The following VPS33B variants were observed in gnomAD, a reference collection of about 807,000 sequenced individuals.
VPS33B encodes VPS33B late endosome and lysosome associated.
A neutral mutation model predicts 95.3 loss-of-function variants in VPS33B; 80 were observed. The ratio of observed to expected loss-of-function variants is 0.84; its 90% CI spans 0.70 to 1.01. The LOEUF is 1.01. VPS33B is among the 50% of genes least tolerant of loss of function. The pLI, the probability that VPS33B is intolerant of heterozygous loss-of-function variation, is 0.00. For missense variants in VPS33B, 715 were observed against 773.4 expected (o/e 0.92, Z 0.90); for synonymous variants, 280 against 280.4 (o/e 1.00, Z 0.01).
chr15:91,006,725 C>G lies in VPS33B; in HGVS notation c.705G>C (p.Val235=), dbSNP rs746711287. The change falls in exon 10 of 23, where the codon GTG becomes GTC. Residue 235 remains valine (V), a synonymous_variant. Transcript: ENST00000333371. The surrounding 1 kb of genome is among the most constrained non-coding windows in gnomAD (Gnocchi z 5.4). ...IGHIFLLDRD[V]DFVTALCSQV... is the part of the protein sequence containing the mutation. ...GGGAGCAAAGTGCTGTCACAAAGTCCACATCTGAAACAGAGATCCCTGACC... is the reference window on the plus strand; with the variant it reads ...GGGAGCAAAGTGCTGTCACAAAGTCGACATCTGAAACAGAGATCCCTGACC... The G allele has an allele frequency of 6.2e-7, 1 of 1,614,164 alleles. No homozygotes were observed. Among genetic ancestry groups the G allele is most frequent in the South Asian group, 1.1e-5 (1 of 91,084 alleles).
At position 90,999,145 on chromosome 15, in the gene VPS33B, C is replaced by T. The variant is rs1019477170; in HGVS notation, c.1775-91G>A. 31 of 1,185,012 alleles carry T rather than the reference C, an allele frequency of 2.6e-5. No individual in the cohort carries two copies. The highest frequency in any genetic ancestry group is 1.3e-4 in the Admixed American group (7 of 52,428). The allele number at this position is 1,185,012 out of a possible 1,614,324, so 73.4% of individuals were successfully genotyped here. A position where few individuals can be genotyped will look rare whatever the true frequency, so the allele number is the denominator to read the frequency against. On this transcript the variant is annotated intron_variant, in intron 22 of 22. Coordinates refer to ENST00000333371, the MANE Select transcript of VPS33B (RefSeq NM_018668.5). This position sits in a 1 kb window ranked among gnomAD's most constrained non-coding sequence, Gnocchi z 5.1. ...AGCCTCTCCAGTTCCACAGTCCCCA[C>T]GGGATCACAGCACCAGTTTATAGAC...
Position 90,999,172 on chromosome 15 carries a change from G to T in VPS33B, c.1775-118C>A. On this transcript the variant is annotated intron_variant, in intron 22 of 22. Coordinates refer to ENST00000333371, the MANE Select transcript of VPS33B (RefSeq NM_018668.5). The surrounding 1 kb of genome is among the most constrained non-coding windows in gnomAD (Gnocchi z 5.1). ...GGATCACAGCACCAGTTTATAGACA[G>T]AGACGTGAGTGCCATGCTCTTGGGC... 1 of 914,844 alleles carries T rather than the reference G, an allele frequency of 1.1e-6. No individual in the cohort carries two copies. The highest frequency in any genetic ancestry group is 1.8e-6 in the Non-Finnish European group (1 of 568,076). The allele number at this position is 914,844 out of a possible 1,614,324, so 56.7% of individuals were successfully genotyped here.
Position 91,005,643 on chromosome 15 carries a change from C to T in VPS33B, c.1030+51G>A. ...GGGAGTAATGGTCCTCTGGAGCTTT[C>T]CCCAGAGGGACACAGTCACTTCCCC... On this transcript the variant is annotated intron_variant, in intron 13 of 22. Transcript: ENST00000333371. The surrounding 1 kb of genome is among the most constrained non-coding windows in gnomAD (Gnocchi z 6.4). The T allele has an allele frequency of 6.2e-7, 1 of 1,607,658 alleles. No individual in the cohort carries two copies. Among genetic ancestry groups the T allele is most frequent in the African/African-American group, 1.3e-5 (1 of 74,912 alleles).
At chr15:91,012,132 T>G (rs2151677470) in intron 5 of VPS33B, among the ~76,000 whole-genome samples, 1 of 152,296 alleles carries the variant, frequency 6.6e-6, no homozygotes, top group East Asian at 1.9e-4. Flanking sequence ...ACTCCTTTAG[T>G]AACATTCAAA....
chr15:91,006,638 A>G lies in VPS33B; in HGVS notation c.778+14T>C. The G allele has an allele frequency of 6.2e-7, 1 of 1,614,164 alleles. No individual in the cohort carries two copies. Among genetic ancestry groups the G allele is most frequent in the South Asian group, 1.1e-5 (1 of 91,076 alleles). On this transcript the variant is annotated intron_variant, in intron 10 of 22. Transcript: ENST00000333371. This position sits in a 1 kb window ranked among gnomAD's most constrained non-coding sequence, Gnocchi z 5.4. Reference sequence around the variant, plus strand: ...CGTCCATCTTGCCAAGATGCAGAGGACCATAGCACTTACCACACTTGATGC... The same window carrying G: ...CGTCCATCTTGCCAAGATGCAGAGGGCCATAGCACTTACCACACTTGATGC...
In VPS33B at chr15:91,013,728, G is replaced by A; in HGVS notation, c.357+76C>T. Reference sequence around the variant, plus strand: ...AAACGAACGGAGACAGGGAGGTAGTGCTGTTGGCCCCTTACCCCTGCCCGG... The same window carrying A: ...AAACGAACGGAGACAGGGAGGTAGTACTGTTGGCCCCTTACCCCTGCCCGG... On this transcript the variant is annotated intron_variant, in intron 5 of 22. Transcript: ENST00000333371. This position sits in a 1 kb window ranked among gnomAD's most constrained non-coding sequence, Gnocchi z 4.5. 8.8e-6 allele frequency: 13 copies of A among 1,472,528 alleles called. No individual in the cohort carries two copies. Among genetic ancestry groups the A allele is most frequent in the Non-Finnish European group, 1.1e-5 (12 of 1,052,480 alleles). 91.2% of individuals were successfully genotyped at this position (1,472,528 alleles called of 1,614,324 possible).
rs1476130534 is a variant in VPS33B, at chr15:91,002,777, G to C, written c.1272+308C>G. Reference sequence around the variant, plus strand: ...TTGAGAAGTACCAGGAAGGAAAGCTGAATCAATGCCTCACACGGTGCTAAA... The same window carrying C: ...TTGAGAAGTACCAGGAAGGAAAGCTCAATCAATGCCTCACACGGTGCTAAA... On this transcript the variant is annotated intron_variant, in intron 17 of 22. Transcript: ENST00000333371. The surrounding 1 kb of genome is among the most constrained non-coding windows in gnomAD (Gnocchi z 4.7). Among the ~76,000 whole-genome samples the C allele has an allele frequency of 6.6e-6, 1 of 152,164 alleles. No homozygotes were observed. Among genetic ancestry groups the C allele is most frequent in the Non-Finnish European group, 1.5e-5 (1 of 68,032 alleles).
Position 90,998,852 on chromosome 15 carries a change from T to C in VPS33B, c.*123A>G. ...TAATGTTCTCTAAATCCCAACACGTTCCATGCTCCCGGCTCTTAGCAGGTA... is the reference window on the plus strand; with the variant it reads ...TAATGTTCTCTAAATCCCAACACGTCCCATGCTCCCGGCTCTTAGCAGGTA... On this transcript the variant is annotated 3_prime_UTR_variant, in exon 23 of 23. Transcript: ENST00000333371. This position sits in a 1 kb window ranked among gnomAD's most constrained non-coding sequence, Gnocchi z 4.8. 1.0e-6 allele frequency: 1 copy of C among 988,238 alleles called. No individual in the cohort carries two copies. The highest frequency in any genetic ancestry group is 1.6e-6 in the Non-Finnish European group (1 of 630,304). The allele number at this position is 988,238 out of a possible 1,614,324, so 61.2% of individuals were successfully genotyped here.
rs11073964 is a variant in VPS33B at position 91,000,531 on chromosome 15, C to T, written c.1540G>A (p.Gly514Ser). The T allele has an allele frequency of 0.47, 751,852 of 1,613,018 alleles. 197,039 individuals are homozygous for T. Among genetic ancestry groups the T allele is most frequent in the East Asian group, 1 (44,684 of 44,858 alleles). The change falls in exon 20 of 23, where the codon GGT becomes AGT. Residue 514 changes from glycine (G) to serine (S), a missense_variant. Coordinates refer to ENST00000333371, the MANE Select transcript of VPS33B (RefSeq NM_018668.5). This position sits in a 1 kb window ranked among gnomAD's most constrained non-coding sequence, Gnocchi z 4.9. ...CAGCTCAGGGGCACATAAGCACCAC[C>T]GAAGACGTAAGCCATGTCTCGGGGC... ...KVPRDMAYVF[G>S]GAYVPLSCRI...
In VPS33B at chr15:90,999,210, T is replaced by G. The variant is rs2040361032; in HGVS notation, c.1775-156A>C. 1.4e-6 allele frequency: 1 copy of G among 736,082 alleles called. No individual in the cohort carries two copies. Among genetic ancestry groups the G allele is most frequent in the South Asian group, 1.5e-5 (1 of 66,342 alleles). The allele number at this position is 736,082 out of a possible 1,614,324, so 45.6% of individuals were successfully genotyped here. A position where few individuals can be genotyped will look rare whatever the true frequency, so the allele number is the denominator to read the frequency against. ...CATGCTCTTGGGCACCACTGCTTTCTATGACTGGTATAACTGGGCTCCCTG... is the reference window on the plus strand; with the variant it reads ...CATGCTCTTGGGCACCACTGCTTTCGATGACTGGTATAACTGGGCTCCCTG... On this transcript the variant is annotated intron_variant, in intron 22 of 22. Coordinates refer to ENST00000333371, the MANE Select transcript of VPS33B (RefSeq NM_018668.5). This position sits in a 1 kb window ranked among gnomAD's most constrained non-coding sequence, Gnocchi z 5.1.
In VPS33B at chr15:91,005,245, T is replaced by G. The variant is rs1596355685; in HGVS notation, c.1106-126A>C. On this transcript the variant is annotated intron_variant, in intron 14 of 22. Transcript: ENST00000333371. The surrounding 1 kb of genome is among the most constrained non-coding windows in gnomAD (Gnocchi z 6.4). Reference sequence around the variant, plus strand: ...GGTGGGTTAAGGGACCCCCAGGACTTCTAGCAGGAACCAGCATTCCACATA... The same window carrying G: ...GGTGGGTTAAGGGACCCCCAGGACTGCTAGCAGGAACCAGCATTCCACATA... 4 of 1,611,748 alleles carry G rather than the reference T, an allele frequency of 2.5e-6. No individual in the cohort carries two copies. The East Asian group carries it at 8.9e-5, about 36-fold the overall frequency.
In VPS33B at chr15:91,004,921, A is replaced by G. The variant is rs750538638; in HGVS notation, c.1181T>C (p.Ile394Thr). The change falls in exon 16 of 23, where the codon ATA becomes ACA. Residue 394 changes from isoleucine to threonine, a missense_variant. By Grantham distance (89) the Ile-to-Thr change is moderately conservative (BLOSUM62 -1). Transcript: ENST00000333371. ...AAGGCACATGAGGCGCAGGCTTTCT[A>G]TAGGCGACACCTGCATAGGAAGAAA... ...EEHIDRQVSP[I>T]ESLRLMCLLS... is the part of the protein sequence containing the mutation. The G allele has an allele frequency of 1.2e-6, 2 of 1,614,220 alleles. No homozygotes were observed. Among genetic ancestry groups the G allele is most frequent in the Non-Finnish European group, 1.7e-6 (2 of 1,180,036 alleles).
Position 91,006,461 on chromosome 15 carries a change from G to A in VPS33B, c.779-16C>T. On this transcript the variant is annotated splice_polypyrimidine_tract_variant and intron_variant, in intron 10 of 22. Coordinates refer to ENST00000333371, the MANE Select transcript of VPS33B (RefSeq NM_018668.5). The surrounding 1 kb of genome is among the most constrained non-coding windows in gnomAD (Gnocchi z 5.4). The stretch of plus-strand genomic sequence containing the variant: ...TCGACACTCCCTTTGAGAGCAGAGG[G>A]ACAGCTATTAGGATCTCCAATGAGG... 6.2e-7 allele frequency: 1 copy of A among 1,614,192 alleles called. No homozygotes were observed. The highest frequency in any genetic ancestry group is 8.5e-7 in the Non-Finnish European group (1 of 1,180,022).
chr15:91,005,792 A>C lies in VPS33B; in HGVS notation c.940-8T>G, dbSNP rs2040584888. Reference sequence around the variant, plus strand: ...GTCCATGCCTCTCCGGCGCTGTGGGAAAATTCCCAAAGGTGAACCCCCCAA... The same window carrying C: ...GTCCATGCCTCTCCGGCGCTGTGGGCAAATTCCCAAAGGTGAACCCCCCAA... On this transcript the variant is annotated splice_region_variant and splice_polypyrimidine_tract_variant and intron_variant, in intron 12 of 22. Transcript: ENST00000333371. The surrounding 1 kb of genome is among the most constrained non-coding windows in gnomAD (Gnocchi z 6.4). 6.2e-7 allele frequency: 1 copy of C among 1,614,062 alleles called. No homozygotes were observed. The highest frequency in any genetic ancestry group is 1.3e-5 in the African/African-American group (1 of 74,930).
chr15:91,004,029 G>T (rs1348879356), intron 16 of VPS33B, among the ~76,000 whole-genome samples: 1 of 152,032 alleles, frequency 6.6e-6, no homozygotes, highest in East Asian at 1.9e-4. Flanking sequence ...TTCCAGACCA[G>T]CCTGGCCAAC....
intron 16 of VPS33B, among the ~76,000 whole-genome samples, chr15:91,003,380 A>T (rs577952201): frequency 6.6e-6 from 1 of 152,288 alleles, no homozygotes; most frequent in East Asian, 1.9e-4. Context: ...ACTAACGGTG[A>T]TCGTAGTGGG....
At chr15:91,004,813 T>C in intron 16 of VPS33B, 64 bp downstream of exon 16, 1 of 1,582,862 alleles carries the variant, frequency 6.3e-7, no homozygotes, top group East Asian at 2.2e-5. Flanking sequence ...TCAAAATCAC[T>C]TCTTCTGTCC....
In VPS33B at chr15:91,022,234, G is replaced by A; in HGVS notation, c.16C>T (p.Arg6Trp). Residue 6 changes from arginine (R) to tryptophan (W), a missense_variant, in exon 1 of 23, where the codon CGG becomes TGG. By Grantham distance (101) the Arg-to-Trp change is moderately radical. Coordinates refer to ENST00000333371, the MANE Select transcript of VPS33B (RefSeq NM_018668.5). ...TCAGGCAGCTCAGGGGCGTCCGGCC[G>A]ATGGGGAAAAGCCATGGCAGCGGTC... MAFPH[R>W]PDAPELPDFS... is the part of the protein sequence containing the mutation. 1 of 1,577,498 alleles carries A rather than the reference G, an allele frequency of 6.3e-7. No homozygotes were observed. Among genetic ancestry groups the A allele is most frequent in the Non-Finnish European group, 8.6e-7 (1 of 1,157,830 alleles).
chr15:91,007,010 C>T lies in VPS33B; in HGVS notation c.640G>A (p.Glu214Lys). ...YELWRNLEEEEDGETKGRRPE... is the reference protein window; with the variant it reads ...YELWRNLEEEKDGETKGRRPE... ...CTTCGGCCCTTGGTTTCGCCATCCTCCTCCTCCTCCAGGTTCCTCCACAAT... is the reference window on the plus strand; with the variant it reads ...CTTCGGCCCTTGGTTTCGCCATCCTTCTCCTCCTCCAGGTTCCTCCACAAT... Residue 214 changes from glutamate (E) to lysine (K), a missense_variant, in exon 9 of 23, where the codon GAG (glutamate) becomes AAG (lysine). By Grantham distance (56) the Glu-to-Lys change is moderately conservative. Transcript: ENST00000333371. The surrounding 1 kb of genome is among the most constrained non-coding windows in gnomAD (Gnocchi z 5.3). 1.9e-6 allele frequency: 3 copies of T among 1,613,694 alleles called. No individual in the cohort carries two copies. Among genetic ancestry groups the T allele is most frequent in the Non-Finnish European group, 2.5e-6 (3 of 1,180,022 alleles).
Sources: allele counts gnomAD v4.1 joint callset (sites outside exome capture counted in the v4.1 genomes callset), GRCh38; gene constraint gnomAD v4.1.1; non-coding constraint Gnocchi (gnomAD v3.1); transcripts MANE v1.5; gene names NCBI Gene and HGNC (gene_info 2026-07-23, HGNC 2026-07-21).